The following TJP1 variants were observed in gnomAD, a reference collection of about 807,000 sequenced individuals.
TJP1 encodes tight junction protein 1, also known as tight junction protein ZO-1.
In TJP1, 43 loss-of-function variants were observed where a neutral mutation model predicts 194.2. That is an observed-to-expected ratio of 0.22 (90% CI 0.17 to 0.29). The LOEUF is 0.29. Ranked by LOEUF, TJP1 falls within the 10% of genes least tolerant of loss-of-function variation. The probability of loss-of-function intolerance (pLI) is 1.00; values close to 1 mark genes in which losing one functional copy is unlikely to be tolerated. For missense variants in TJP1, 1,971 were observed against 2,185.7 expected (o/e 0.90, Z 1.96); for synonymous variants, 801 against 779.0 (o/e 1.03, Z -0.47).
At chr15:29,907,516 T>C (rs537386465) in intron 2 of TJP1, among the ~76,000 whole-genome samples, 1 of 152,244 alleles carries the variant, frequency 6.6e-6, no homozygotes, top group African/African-American at 2.4e-5. Flanking sequence ...CTCTGAGCGA[T>C]GAGATTATGC....
chr15:29,949,655 T>A (rs1203956555), intron 2 of TJP1, among the ~76,000 whole-genome samples: 32 of 44,654 alleles, frequency 7.2e-4, no homozygotes, highest in East Asian at 2.6e-3. Context: ...CACCACCACC[T>A]CCACCTCCAC....
chr15:29,852,130 T>A (rs2051665368), intron 2 of TJP1, among the ~76,000 whole-genome samples: 1 of 152,210 alleles, frequency 6.6e-6, no homozygotes, highest in Non-Finnish European at 1.5e-5. Context: ...AAACTGGACA[T>A]CATCAAAATT....
At chr15:29,821,852 C>T in intron 1 of TJP1, 150 bp downstream of exon 1, 1 of 742,480 alleles carries the variant, frequency 1.3e-6, no homozygotes, top group Non-Finnish European at 1.6e-6. Context: ...CCGCGGCCCG[C>T]GGCCCGCGGC....
chr15:29,904,060 C>T (rs1224037872), intron 2 of TJP1, among the ~76,000 whole-genome samples: 1 of 152,082 alleles, frequency 6.6e-6, no homozygotes. Context: ...AGCTGAACTC[C>T]TTCAGGCCTT....
At chr15:29,889,236 T>C (rs1279799615) in intron 2 of TJP1, among the ~76,000 whole-genome samples, 2 of 152,248 alleles carry the variant, frequency 1.3e-5, no homozygotes, top group Non-Finnish European at 2.9e-5. Flanking sequence ...ATATCAGAAA[T>C]TTATTAAGTT....
In TJP1 at chr15:29,801,328, A is replaced by T. The variant is rs558360653; in HGVS notation, c.28-626T>A. Reference sequence around the variant, plus strand: ...CAAGAAACAAAAACAAAAAAGAACAATCTCCCAAACTCCCCCAAGAATCAT... The same window carrying T: ...CAAGAAACAAAAACAAAAAAGAACATTCTCCCAAACTCCCCCAAGAATCAT... On this transcript the variant is annotated intron_variant, in intron 1 of 27. Transcript: ENST00000614355. Among the ~76,000 whole-genome samples, 3 of 152,218 alleles carry T rather than the reference A, an allele frequency of 2.0e-5. 1 individual carries two copies. In the South Asian group the frequency reaches 6.2e-4, roughly 32 times the overall value.
intron 11 of TJP1, among the ~76,000 whole-genome samples, chr15:29,735,902 T>C (rs2044001705): frequency 1.3e-5 from 2 of 152,008 alleles, no homozygotes; most frequent in South Asian, 2.1e-4. Context: ...GCTCAGGAAA[T>C]TGCTAAGTGA....
At chr15:29,817,454 C>G (rs1285201066) in intron 1 of TJP1, among the ~76,000 whole-genome samples, 8 of 152,084 alleles carry the variant, frequency 5.3e-5, no homozygotes, top group Non-Finnish European at 1.0e-4. Context: ...ACCAGAAATA[C>G]CATTTGACCC....
intron 2 of TJP1, among the ~76,000 whole-genome samples, chr15:29,894,211 C>T (rs2053405422): frequency 6.6e-6 from 1 of 152,214 alleles, no homozygotes; most frequent in Non-Finnish European, 1.5e-5. Context: ...GTAATCCCAG[C>T]ACCTTGGAAA....
intron 8 of TJP1, among the ~76,000 whole-genome samples, chr15:29,753,397 T>C (rs746071363): frequency 2.5e-4 from 35 of 139,188 alleles, no homozygotes; most frequent in Admixed American, 1.1e-3. Context: ...GGCAGGAGAA[T>C]AGCGTGAACC....
At chr15:29,835,267 G>T (rs6495945) in intron 2 of TJP1, among the ~76,000 whole-genome samples, 122,934 of 152,134 alleles carry the variant, frequency 0.81, 50,081 homozygotes, top group East Asian at 0.96. Flanking sequence ...TTTAAATGTG[G>T]GTAATTTTAA....
intron 2 of TJP1, among the ~76,000 whole-genome samples, chr15:29,780,440 G>A (rs1187301948): frequency 6.6e-6 from 1 of 152,100 alleles, no homozygotes; most frequent in African/African-American, 2.4e-5. Context: ...GCAGCGCTCA[G>A]GCAGTAATGA....
chr15:29,811,206 C>A (rs930396730), intron 1 of TJP1, among the ~76,000 whole-genome samples: 2 of 151,874 alleles, frequency 1.3e-5, no homozygotes, highest in African/African-American at 4.8e-5. Flanking sequence ...GCTTACTGAC[C>A]ATATTAAGGA....
chr15:29,838,331 A>G lies in TJP1; in HGVS notation c.307-37629T>C, dbSNP rs529893752. Among the ~76,000 whole-genome samples, 237 of 152,310 alleles carry G rather than the reference A, an allele frequency of 1.6e-3. 1 individual carries two copies. The Middle Eastern group carries it at 0.02, about 13-fold the overall frequency. ...TTCCAGCTACTTGGGAGGCTGAGGC[A>G]TAAGAATTGCTTGAACCCAGGAGGC... is the stretch of plus-strand genomic sequence containing the variant. On this transcript the variant is annotated intron_variant, in intron 2 of 28. Transcript: ENST00000356107.
chr15:29,754,906 C>T (rs558536599), intron 8 of TJP1, among the ~76,000 whole-genome samples: 1 of 152,020 alleles, frequency 6.6e-6, no homozygotes, highest in African/African-American at 2.4e-5. Context: ...AAACTATATA[C>T]AGTAAGATGA....
At chr15:29,779,723 CAG>C (rs759502578) in intron 2 of TJP1, among the ~76,000 whole-genome samples, 1 of 152,080 alleles carries the variant, frequency 6.6e-6, no homozygotes, top group Non-Finnish European at 1.5e-5. Flanking sequence ...GCACTAAAAA[CAG>C]AATTCTGGAA....
At chr15:29,957,381 T>TCCCTCATCCCAAACTCCCCTTTTCC (rs2055987927) in intron 1 of TJP1, among the ~76,000 whole-genome samples, 1 of 152,198 alleles carries the variant, frequency 6.6e-6, no homozygotes, top group Non-Finnish European at 1.5e-5. Flanking sequence ...TGCCCTTTTC[T>TCCCTCATCCCAAACTCCCCTTTTCC]CCCTCATCCC....
intron 23 of TJP1, among the ~76,000 whole-genome samples, chr15:29,712,761 T>C (rs1394535965): frequency 6.8e-6 from 1 of 146,788 alleles, no homozygotes. Context: ...AGAGTGGTGA[T>C]CAAGGATAAT....
chr15:29,747,720 C>G (rs1049071812), intron 8 of TJP1, among the ~76,000 whole-genome samples: 2 of 152,320 alleles, frequency 1.3e-5, no homozygotes, highest in East Asian at 3.9e-4. Flanking sequence ...ACATTACCAT[C>G]TTGGTATTTT....
Sources: gnomAD v4.1 joint callset for allele counts (sites outside exome capture counted in the v4.1 genomes callset) on GRCh38, gnomAD v4.1.1 for gene constraint, MANE v1.5 for transcripts, NCBI Gene and HGNC (gene_info 2026-07-23, HGNC 2026-07-21) for gene names.